The following FOXP4 variants were observed in gnomAD, a reference collection of about 807,000 sequenced individuals.
FOXP4 encodes forkhead box protein P4.
In FOXP4, 25 loss-of-function variants were observed where a neutral mutation model predicts 82.6. That is an observed-to-expected ratio of 0.30 (90% CI 0.22 to 0.42). FOXP4 has a LOEUF of 0.42. FOXP4 is among the 10% of genes least tolerant of loss of function. The pLI is 1.00. For missense variants in FOXP4, 785 were observed against 900.9 expected, an observed-to-expected ratio of 0.87 and a Z score of 1.65; for synonymous variants, 415 against 388.2, an observed-to-expected ratio of 1.07 and a Z score of -0.81.
Position 41,566,070 on chromosome 6 carries a change from A to G in FOXP4, c.204+106A>G. The stretch of plus-strand genomic sequence containing the variant: ...GCACCACTCCCTGCCAGGCAGCCTC[A>G]CTTTACCATTCTTAAGACAGTCCAG... On this transcript the variant is annotated intron_variant, in intron 2 of 16. Transcript: ENST00000307972. The G allele has an allele frequency of 2.4e-6, 3 of 1,252,308 alleles. No individual in the cohort carries two copies. The South Asian group carries it at 4.4e-5, about 18-fold the overall frequency. 77.6% of individuals were successfully genotyped at this position (1,252,308 alleles called of 1,614,324 possible).
rs549101077 is a variant in FOXP4, at chr6:41,554,145, T to A, written c.-17+7278T>A. Among the ~76,000 whole-genome samples the A allele has an allele frequency of 5.3e-5, 8 of 152,290 alleles. No homozygotes were observed. The South Asian group carries it at 1.7e-3, about 32-fold the overall frequency. On this transcript the variant is annotated intron_variant, in intron 1 of 16. Transcript: ENST00000307972. ...CAGGCAGTGGTAATTATCACTCTCA[T>A]TTGATAGGTGAAGTACCCAGGCCCA...
At chr6:41,575,763 C>T (rs1297167332) in intron 2 of FOXP4, among the ~76,000 whole-genome samples, 2 of 151,116 alleles carry the variant, frequency 1.3e-5, no homozygotes, top group East Asian at 3.9e-4. Context: ...GAGCCCCTCC[C>T]TGCTGTTCCC....
At chr6:41,595,694 C>G (rs774390952) in intron 14 of FOXP4, among the ~76,000 whole-genome samples, 1 of 151,448 alleles carries the variant, frequency 6.6e-6, no homozygotes, top group African/African-American at 2.4e-5. Flanking sequence ...CCTCCACTTC[C>G]CGGGTTCAAG....
intron 2 of FOXP4, among the ~76,000 whole-genome samples, chr6:41,575,259 C>T (rs1190719005): frequency 1.3e-5 from 2 of 152,218 alleles, no homozygotes; most frequent in Non-Finnish European, 2.9e-5. Flanking sequence ...TGAGCCACTG[C>T]GCCTGGCTAT....
intron 2 of FOXP4, among the ~76,000 whole-genome samples, chr6:41,568,175 G>A (rs1198279259): frequency 1.3e-5 from 2 of 152,222 alleles, no homozygotes; most frequent in Non-Finnish European, 2.9e-5. Context: ...GGGAAAGAGA[G>A]CCTGGCCCTT....
intron 1 of FOXP4, among the ~76,000 whole-genome samples, chr6:41,550,026 C>T (rs1763909155): frequency 6.6e-6 from 1 of 152,224 alleles, no homozygotes; most frequent in South Asian, 2.1e-4. Flanking sequence ...TCTTACCACG[C>T]TCCAGCTTCC....
intron 1 of FOXP4, among the ~76,000 whole-genome samples, chr6:41,557,940 G>C (rs948937479): frequency 2.0e-5 from 3 of 152,160 alleles, no homozygotes; most frequent in African/African-American, 7.2e-5. Context: ...TTTCAGATAG[G>C]AATGTCTTTG....
intron 1 of FOXP4, among the ~76,000 whole-genome samples, chr6:41,549,665 A>G (rs1763884362): frequency 6.9e-6 from 1 of 144,998 alleles, no homozygotes; most frequent in South Asian, 2.2e-4. Flanking sequence ...GTACCCAAGC[A>G]GTGAAGGCTG....
At chr6:41,562,562 A>G (rs892748877) in intron 1 of FOXP4, among the ~76,000 whole-genome samples, 10 of 151,986 alleles carry the variant, frequency 6.6e-5, no homozygotes, top group Non-Finnish European at 1.2e-4. Flanking sequence ...TCTTTTTCCA[A>G]ACTTACTGTC....
chr6:41,588,950 G>A (rs752713518), intron 9 of FOXP4, among the ~76,000 whole-genome samples: 15 of 152,206 alleles, frequency 9.9e-5, no homozygotes, highest in Non-Finnish European at 1.9e-4. Context: ...TCTCTGCTGG[G>A]AGGTCCAGAA....
intron 14 of FOXP4, among the ~76,000 whole-genome samples, chr6:41,596,030 T>A (rs545483628): frequency 6.6e-6 from 1 of 152,292 alleles, no homozygotes; most frequent in African/African-American, 2.4e-5. Flanking sequence ...CCCGAGAAGC[T>A]GAAATTACAG....
intron 9 of FOXP4, 56 bp from the exon 10 acceptor site, chr6:41,589,715 A>G: frequency 6.4e-7 from 1 of 1,559,956 alleles, no homozygotes; most frequent in Non-Finnish European, 8.8e-7. Flanking sequence ...GGGTGGGACA[A>G]CACTGCCTCC....
intron 8 of FOXP4, 62 bp downstream of exon 8, chr6:41,587,959 C>T (rs943082943): frequency 1.1e-6 from 1 of 870,560 alleles, no homozygotes; most frequent in South Asian, 1.5e-5. Flanking sequence ...TCCCCCAACC[C>T]TGCCCACTAG....
chr6:41,570,298 C>T (rs986706374), intron 2 of FOXP4: 11 of 470,794 alleles, frequency 2.3e-5, no homozygotes, highest in South Asian at 6.2e-5. Context: ...AGTTGGGGCC[C>T]GCACTCTCCA....
At chr6:41,587,714 G>A (rs1316660431) in intron 7 of FOXP4, 79 bp from the exon 8 acceptor site, 3 of 1,006,120 alleles carry the variant, frequency 3.0e-6, no homozygotes, top group Non-Finnish European at 4.5e-6. Context: ...CACCAGCAGG[G>A]GAGCTGGTGC....
At chr6:41,550,340 G>A (rs1052386272) in intron 1 of FOXP4, among the ~76,000 whole-genome samples, 4 of 152,202 alleles carry the variant, frequency 2.6e-5, no homozygotes, top group Admixed American at 6.5e-5. Context: ...TACCTTGCAC[G>A]GTGCCGGGTG....
At chr6:41,547,192 G>A (rs1000415670) in intron 1 of FOXP4, among the ~76,000 whole-genome samples, 8 of 151,992 alleles carry the variant, frequency 5.3e-5, no homozygotes, top group Non-Finnish European at 1.2e-4. Flanking sequence ...GGCCGGGGCG[G>A]GGAGGGGGGC....
intron 3 of FOXP4, among the ~76,000 whole-genome samples, chr6:41,578,464 G>A (rs574484599): frequency 2.6e-5 from 4 of 151,834 alleles, no homozygotes; most frequent in East Asian, 2.0e-4. Context: ...GTGTTCCTGT[G>A]TCTGGGGCTC....
At chr6:41,560,538 G>A (rs950520665) in intron 1 of FOXP4, among the ~76,000 whole-genome samples, 3 of 152,224 alleles carry the variant, frequency 2.0e-5, no homozygotes, top group Non-Finnish European at 2.9e-5. Flanking sequence ...GCGCGTGCAC[G>A]TGTGCTCCCG....
Sources: allele counts gnomAD v4.1 joint callset (sites outside exome capture counted in the v4.1 genomes callset), GRCh38; gene constraint gnomAD v4.1.1; transcripts MANE v1.5; gene names NCBI Gene and HGNC (gene_info 2026-07-23, HGNC 2026-07-21).